Variants in TTN observed in about 807,000 individuals in gnomAD.
The protein encoded by TTN is titin.
In TTN, 1,525 loss-of-function variants were observed where a neutral mutation model predicts 3,223.0. The ratio of observed to expected loss-of-function variants is 0.47; its 90% CI spans 0.45 to 0.49. The LOEUF is 0.49. Among genes scored for constraint, TTN ranks in the 20% least tolerant of loss-of-function variants. TTN has a pLI of 0.00. For synonymous variants in TTN, 14,094 were observed against 15,161.0 expected (o/e 0.93, Z 5.17); for missense variants, 40,786 against 43,424.0 (o/e 0.94, Z 5.40).
Position 178,591,852 on chromosome 2 carries a change from A to G in TTN, c.59967T>C (p.Val19989=). ...GPPKDLHHVD[V]DKTEVSLVWN... is the part of the protein sequence containing the mutation. The stretch of plus-strand genomic sequence containing the variant: ...AGACTAGGGAGACTTCAGTCTTGTC[A>G]ACATCTACATGGTGCAGGTCCTTGG... The change falls in exon 303 of 363, where the codon GTT becomes GTC. Residue 19989 remains valine, a synonymous_variant. Transcript: ENST00000589042. The G allele has an allele frequency of 6.2e-7, 1 of 1,613,328 alleles. No individual in the cohort carries two copies. The highest frequency in any genetic ancestry group is 8.5e-7 in the Non-Finnish European group (1 of 1,179,572).
In TTN at chr2:178,609,258, A is replaced by G. The variant is rs565423253; in HGVS notation, c.52052T>C (p.Val17351Ala). Residue 17351 changes from valine (V) to alanine (A), a missense_variant, in exon 273 of 363, where the codon GTT becomes GCT. By Grantham distance (64) the Val-to-Ala change is moderately conservative. Coordinates refer to ENST00000589042, the MANE Select transcript of TTN (RefSeq NM_001267550.2). The stretch of plus-strand genomic sequence containing the variant: ...TTTTGCAATACCGTGGTCATTTTCA[A>G]CTTTGATCATATACAGACCATGGTC... ...RPDHGLYMIK[V>A]ENDHGIAKAP... 20 of 1,540,344 alleles carry G rather than the reference A, an allele frequency of 1.3e-5. No homozygotes were observed. In the Admixed American group the frequency reaches 2.3e-4, roughly 18 times the overall value.
Position 178,622,733 on chromosome 2 carries a change from G to T in TTN, c.44850C>A (p.Asp14950Glu), listed in dbSNP as rs371376631. 1.9e-6 allele frequency: 3 copies of T among 1,605,694 alleles called. No individual in the cohort carries two copies. In the South Asian group the frequency reaches 3.4e-5, roughly 18 times the overall value. ...PHVEFLRPLT[D>E]LQVREKEMAR... Reference sequence around the variant, plus strand: ...CCATTTCTTTTTCTCTAACTTGAAGGTCGGTGAGTGGTCTTAAGAATTCCA... The same window carrying T: ...CCATTTCTTTTTCTCTAACTTGAAGTTCGGTGAGTGGTCTTAAGAATTCCA... The change falls in exon 243 of 363, where the codon GAC becomes GAA. Residue 14950 changes from aspartate to glutamate, a missense_variant. Transcript: ENST00000589042.
intron 47 of TTN, chr2:178,750,260 G>A: frequency 2.5e-6 from 4 of 1,613,178 alleles, no homozygotes; most frequent in Non-Finnish European, 3.4e-6. Context: ...ATGGAACACT[G>A]GGACTTTATG....
intron 115 of TTN, 105 bp from the exon 116 acceptor site, chr2:178,695,011 A>G: frequency 3.8e-6 from 3 of 799,640 alleles, no homozygotes; most frequent in Non-Finnish European, 3.9e-6. Flanking sequence ...CACACCTATA[A>G]GTGTATATGC....
rs587780987 is a variant in TTN, at chr2:178,767,828, G to T, written c.9402C>A (p.Asn3134Lys). The change falls in exon 40 of 363, where the codon AAC becomes AAA. Residue 3134 changes from asparagine to lysine, a missense_variant. By Grantham distance (94) the Asn-to-Lys change is moderately conservative (BLOSUM62 0). Coordinates refer to ENST00000589042, the MANE Select transcript of TTN (RefSeq NM_001267550.2). Reference protein sequence around the residue: ...AGKYTVVAGGNVSTAKLFVEG... With the variant: ...AGKYTVVAGGKVSTAKLFVEG... ...CTACAAAGAGTTTTGCAGTTGACAC[G>T]TTGCCTCCTGCCACCACTGTGTACT... is the stretch of plus-strand genomic sequence containing the variant. 1.2e-6 allele frequency: 2 copies of T among 1,614,096 alleles called. No homozygotes were observed. The highest frequency in any genetic ancestry group is 1.7e-6 in the Non-Finnish European group (2 of 1,179,990).
chr2:178,624,779 G>C (rs1369821757), intron 241 of TTN, 48 bp from the exon 242 acceptor site: 1 of 1,599,044 alleles, frequency 6.3e-7, no homozygotes, highest in Admixed American at 1.8e-5. Context: ...CCTTCTCCAA[G>C]AGTTTTGGTA....
chr2:178,534,373 C>T lies in TTN; in HGVS notation c.102242G>A (p.Ser34081Asn). The T allele has an allele frequency of 6.2e-7, 1 of 1,610,848 alleles. No individual in the cohort carries two copies. The highest frequency in any genetic ancestry group is 2.2e-5 in the East Asian group (1 of 44,874). Residue 34081 changes from serine to asparagine, a missense_variant, in exon 358 of 363, where the codon AGT becomes AAT. Physicochemically the swap from Ser to Asn is conservative, Grantham distance 46 (BLOSUM62 1). Coordinates refer to ENST00000589042, the MANE Select transcript of TTN (RefSeq NM_001267550.2). ...TTTTAATGTTCTGATAACTTTAGTA[C>T]TGACTCTTTCTATCTTCTGCTTCAA... ...PWLKQKIERV[S>N]TKVIRTLKHR...
chr2:178,591,785 A>T lies in TTN; in HGVS notation c.60034T>A (p.Tyr20012Asn). 1 of 1,613,288 alleles carries T rather than the reference A, an allele frequency of 6.2e-7. No individual in the cohort carries two copies. Among genetic ancestry groups the T allele is most frequent in the Non-Finnish European group, 8.5e-7 (1 of 1,179,576 alleles). The change falls in exon 303 of 363, where the codon TAT becomes AAT. Residue 20012 changes from tyrosine to asparagine, a missense_variant. Coordinates refer to ENST00000589042, the MANE Select transcript of TTN (RefSeq NM_001267550.2). ...CCTTCTTCTTGATATTCTACCAAATATCCAGTGATTGGAGAACCACCATCA... is the reference window on the plus strand; with the variant it reads ...CCTTCTTCTTGATATTCTACCAAATTTCCAGTGATTGGAGAACCACCATCA... ...DRDGGSPITG[Y>N]LVEYQEEGTQ...
At position 178,652,305 on chromosome 2, in the gene TTN, G is replaced by T. The variant is rs965503511; in HGVS notation, c.39170C>A (p.Pro13057Gln). The change falls in exon 203 of 363, where the codon CCA (proline) becomes CAA (glutamine). Residue 13057 changes from proline to glutamine, a missense_variant. By Grantham distance (76) the Pro-to-Gln change is moderately conservative. Transcript: ENST00000589042. ...PKEVVPEKKVPVPPPKKPEVP... is the reference protein window; with the variant it reads ...PKEVVPEKKVQVPPPKKPEVP... The stretch of plus-strand genomic sequence containing the variant: ...TTCAGGCTTTTTAGGAGGAGGCACT[G>T]GCACTTTCTTTTCAGGAACAACTTC... 6.2e-7 allele frequency: 1 copy of T among 1,613,704 alleles called. No homozygotes were observed.
In TTN at chr2:178,567,212, G is replaced by A; in HGVS notation, c.78920C>T (p.Thr26307Ile). ...ACCATCTTGAAGTGGTGGAGACCAT[G>A]TTAAAGAGCATTTTTCAGAAGTGAC... ...TGVTSEKCSL[T>I]WSPPLQDGGS... Residue 26307 changes from threonine (T) to isoleucine (I), a missense_variant, in exon 326 of 363, where the codon ACA (threonine) becomes ATA (isoleucine). Thr to Ile is a moderately conservative substitution (Grantham distance 89, BLOSUM62 -1). Coordinates refer to ENST00000589042, the MANE Select transcript of TTN (RefSeq NM_001267550.2). 1 of 1,610,606 alleles carries A rather than the reference G, an allele frequency of 6.2e-7. No individual in the cohort carries two copies. Among genetic ancestry groups the A allele is most frequent in the Non-Finnish European group, 8.5e-7 (1 of 1,177,950 alleles).
Position 178,676,081 on chromosome 2 carries a change from A to G in TTN, c.34379-86T>C, listed in dbSNP as rs2068026117. The G allele has an allele frequency of 8.0e-6, 10 of 1,252,698 alleles. No homozygotes were observed. The South Asian group carries it at 1.2e-4, about 15-fold the overall frequency. 77.6% of individuals were successfully genotyped at this position (1,252,698 alleles called of 1,614,324 possible). On this transcript the variant is annotated intron_variant, in intron 147 of 362. Coordinates refer to ENST00000589042, the MANE Select transcript of TTN (RefSeq NM_001267550.2). ...GAAGACCCCACACCCAGAAAGACCAATGTGTTAACAGTCGCTCAAGACAGG... is the reference window on the plus strand; with the variant it reads ...GAAGACCCCACACCCAGAAAGACCAGTGTGTTAACAGTCGCTCAAGACAGG...
rs750869245 is a variant in TTN at position 178,560,924 on chromosome 2, C to G, written c.85208G>C (p.Arg28403Thr). The part of the protein sequence containing the change: ...KDGIEIEERA[R>T]TEIISTDNHT... Reference sequence around the variant, plus strand: ...ATTGTCTGTTGAGATGATTTCTGTTCTTGCTCTTTCTTCAATTTCTATACC... The same window carrying G: ...ATTGTCTGTTGAGATGATTTCTGTTGTTGCTCTTTCTTCAATTTCTATACC... Residue 28403 changes from arginine (R) to threonine (T), a missense_variant, in exon 326 of 363, where the codon AGA becomes ACA. Physicochemically the swap from Arg to Thr is moderately conservative, Grantham distance 71. Coordinates refer to ENST00000589042, the MANE Select transcript of TTN (RefSeq NM_001267550.2). 7 of 1,613,776 alleles carry G rather than the reference C, an allele frequency of 4.3e-6. No individual in the cohort carries two copies. The Admixed American group carries it at 1.2e-4, about 27-fold the overall frequency.
chr2:178,563,067 C>A lies in TTN; in HGVS notation c.83065G>T (p.Ala27689Ser), dbSNP rs761181487. Residue 27689 changes from alanine (A) to serine (S), a missense_variant, in exon 326 of 363, where the codon GCA (alanine) becomes TCA (serine). Ala to Ser is a moderately conservative substitution (Grantham distance 99). Coordinates refer to ENST00000589042, the MANE Select transcript of TTN (RefSeq NM_001267550.2). The surrounding 1 kb of genome is among the most constrained non-coding windows in gnomAD (Gnocchi z 4.5). ...ACAAATAAGCGTAAAGTAGCACTTGCACGCAGAACGACCACCTTTCTGAGA... is the reference window on the plus strand; with the variant it reads ...ACAAATAAGCGTAAAGTAGCACTTGAACGCAGAACGACCACCTTTCTGAGA... ...ADLRKVVVLR[A>S]SATLRLFVTI... is the part of the protein sequence containing the mutation. The A allele has an allele frequency of 1.9e-6, 3 of 1,613,552 alleles. No individual in the cohort carries two copies. The highest frequency in any genetic ancestry group is 1.3e-5 in the African/African-American group (1 of 74,890).
Position 178,674,337 on chromosome 2 carries a change from ACTTCCT to A in TTN, c.34679_34684del (p.Glu11560_Glu11561del). ...ACCTCTAGGTGGTGCCACCTCTTCAACTTCCTCTATGCTAGGTGGTTCTTCTGGGAT... is the reference window on the plus strand; with the variant it reads ...ACCTCTAGGTGGTGCCACCTCTTCAACTATGCTAGGTGGTTCTTCTGGGAT... On this transcript the variant is annotated inframe_deletion, in exon 151 of 363. Transcript: ENST00000589042. 6.3e-7 allele frequency: 1 copy of A among 1,597,610 alleles called. No homozygotes were observed. The highest frequency in any genetic ancestry group is 8.5e-7 in the Non-Finnish European group (1 of 1,170,518).
intron 29 of TTN, chr2:178,774,700 T>G (rs748257678): frequency 1.1e-4 from 80 of 713,706 alleles, no homozygotes; most frequent in Non-Finnish European, 1.7e-4. Flanking sequence ...AATAAAAAAC[T>G]TAAAAGCTAA....
At position 178,719,386 on chromosome 2, in the gene TTN, C is replaced by A. The variant is rs1332361126; in HGVS notation, c.24004G>T (p.Val8002Phe). Reference sequence around the variant, plus strand: ...CCAGAGACTCGGCACTCCAAAACAACTGAGGCCCCCAGGATGGCATTCACG... The same window carrying A: ...CCAGAGACTCGGCACTCCAAAACAAATGAGGCCCCCAGGATGGCATTCACG... ...KDVNAILGASVVLECRVSGSA... is the reference protein window; with the variant it reads ...KDVNAILGASFVLECRVSGSA... Residue 8002 changes from valine to phenylalanine, a missense_variant, in exon 83 of 363, where the codon GTT (valine) becomes TTT (phenylalanine). By Grantham distance (50) the Val-to-Phe change is conservative. Transcript: ENST00000589042. 1.2e-6 allele frequency: 2 copies of A among 1,613,736 alleles called. No individual in the cohort carries two copies. Among genetic ancestry groups the A allele is most frequent in the Non-Finnish European group, 1.7e-6 (2 of 1,179,724 alleles).
chr2:178,684,920 A>G lies in TTN; in HGVS notation c.32540T>C (p.Val10847Ala). The G allele has an allele frequency of 6.2e-7, 1 of 1,607,842 alleles. No homozygotes were observed. The highest frequency in any genetic ancestry group is 8.5e-7 in the Non-Finnish European group (1 of 1,176,726). ...VPAPVPKKEK[V>A]PPPKVPEEPK... Reference sequence around the variant, plus strand: ...ATCCAATATACCTTTAGGTGGGGGCACCTTTTCCTTTTTAGGAACTGGAGC... The same window carrying G: ...ATCCAATATACCTTTAGGTGGGGGCGCCTTTTCCTTTTTAGGAACTGGAGC... Residue 10847 changes from valine (V) to alanine (A), a missense_variant, in exon 130 of 363, where the codon GTG becomes GCG. Physicochemically the swap from Val to Ala is moderately conservative, Grantham distance 64 (BLOSUM62 0). Coordinates refer to ENST00000589042, the MANE Select transcript of TTN (RefSeq NM_001267550.2).
At position 178,572,174 on chromosome 2, in the gene TTN, A is replaced by C; in HGVS notation, c.73958T>G (p.Val24653Gly). 2 of 1,613,410 alleles carry C rather than the reference A, an allele frequency of 1.2e-6. No homozygotes were observed. The highest frequency in any genetic ancestry group is 8.5e-7 in the Non-Finnish European group (1 of 1,179,622). Reference protein sequence around the residue: ...DGGSRILGYIVEMQTKGSDKW... With the variant: ...DGGSRILGYIGEMQTKGSDKW... The stretch of plus-strand genomic sequence containing the variant: ...GTCACTGCCTTTGGTCTGCATCTCC[A>C]CAATGTAGCCTAGAATTCGGCTGCC... Residue 24653 changes from valine (V) to glycine (G), a missense_variant, in exon 326 of 363, where the codon GTG becomes GGG. Transcript: ENST00000589042.
Position 178,739,974 on chromosome 2 carries a change from C to G in TTN, c.13259G>C (p.Arg4420Thr), listed in dbSNP as rs1422456954. The change falls in exon 48 of 363, where the codon AGA (arginine) becomes ACA (threonine). Residue 4420 changes from arginine to threonine, a missense_variant. Arg to Thr is a moderately conservative substitution (Grantham distance 71). Coordinates refer to ENST00000589042, the MANE Select transcript of TTN (RefSeq NM_001267550.2). Reference protein sequence around the residue: ...EQPGLFSEWLRNIEKVEVEAV... With the variant: ...EQPGLFSEWLTNIEKVEVEAV... ...CTCGACCTCCACCTTTTCAATATTT[C>G]TTAGCCACTCAGAGAAAAGACCTGG... is the stretch of plus-strand genomic sequence containing the variant. The G allele has an allele frequency of 5.1e-5, 83 of 1,613,764 alleles. No individual in the cohort carries two copies. Among genetic ancestry groups the G allele is most frequent in the Non-Finnish European group, 6.9e-5 (81 of 1,179,832 alleles).
Sources: allele counts gnomAD v4.1 joint callset, GRCh38; gene constraint gnomAD v4.1.1; non-coding constraint Gnocchi (gnomAD v3.1); transcripts MANE v1.5; gene names NCBI Gene and HGNC (gene_info 2026-07-23, HGNC 2026-07-21).